The following DENND2B variants were observed in gnomAD, a reference collection of about 807,000 sequenced individuals.
DENND2B encodes the protein DENN domain containing 2B, also known as DENN domain-containing protein 2B.
Under a neutral mutation model 116.0 loss-of-function variants are expected in DENND2B, and 32 were observed. The ratio of observed to expected loss-of-function variants is 0.28; its 90% CI spans 0.21 to 0.37. The LOEUF is 0.37. Ranked by LOEUF, DENND2B falls within the 10% of genes least tolerant of loss-of-function variation. The pLI is 1.00. For synonymous variants in DENND2B, 588 were observed against 583.9 expected, an observed-to-expected ratio of 1.01 and a Z score of -0.10; for missense variants, 1,276 against 1,477.7, an observed-to-expected ratio of 0.86 and a Z score of 2.24.
intron 1 of DENND2B, among the ~76,000 whole-genome samples, chr11:8,905,513 C>T (rs2064224261): frequency 6.6e-6 from 1 of 152,006 alleles, no homozygotes; most frequent in African/African-American, 2.4e-5. Flanking sequence ...TTAGATATAA[C>T]ACCAAAAGCA....
intron 1 of DENND2B, among the ~76,000 whole-genome samples, chr11:8,765,729 A>C (rs908007186): frequency 3.9e-5 from 6 of 152,084 alleles, no homozygotes; most frequent in Non-Finnish European, 8.8e-5. Flanking sequence ...TTAGGATATA[A>C]ATACTCAATT....
intron 3 of DENND2B, among the ~76,000 whole-genome samples, chr11:8,855,913 T>C (rs979828834): frequency 1.3e-5 from 2 of 152,164 alleles, no homozygotes; most frequent in African/African-American, 2.4e-5. Context: ...ACTAGACAGC[T>C]GCCAGATCTA....
At chr11:8,819,533 T>C (rs966632127) in intron 4 of DENND2B, among the ~76,000 whole-genome samples, 5 of 152,202 alleles carry the variant, frequency 3.3e-5, no homozygotes, top group Non-Finnish European at 5.9e-5. Context: ...AATCAAGTGA[T>C]CAACGTTAAC....
At chr11:8,715,027 A>G (rs185807113) in intron 6 of DENND2B, among the ~76,000 whole-genome samples, 40 of 152,288 alleles carry the variant, frequency 2.6e-4, no homozygotes, top group African/African-American at 8.9e-4. Flanking sequence ...CATTGAACCA[A>G]CTGAGACAAA....
At position 8,702,105 on chromosome 11, in the gene DENND2B, A is replaced by AC. The variant is rs544780603; in HGVS notation, c.2720+466dup. Among the ~76,000 whole-genome samples the AC allele has an allele frequency of 1.4e-3, 212 of 151,462 alleles. 1 individual carries two copies. Among genetic ancestry groups the AC allele is most frequent in the African/African-American group, 5.0e-3 (205 of 41,202 alleles). On this transcript the variant is annotated intron_variant, in intron 14 of 19. Transcript: ENST00000313726. This position sits in a 1 kb window ranked among gnomAD's most constrained non-coding sequence, Gnocchi z 4.6. ...TTCTCCAGGGGACACCCTCCACAGG[A>AC]CCCTCGCTGGCTGGCTCAGCATTCC... is the stretch of plus-strand genomic sequence containing the variant.
At chr11:8,857,595 C>T (rs1330727102) in intron 2 of DENND2B, among the ~76,000 whole-genome samples, 1 of 152,210 alleles carries the variant, frequency 6.6e-6, no homozygotes, top group Non-Finnish European at 1.5e-5. Context: ...TTCCAATAGA[C>T]CACCTATTTC....
chr11:8,856,733 C>T (rs1306793651), intron 3 of DENND2B, among the ~76,000 whole-genome samples: 1 of 151,554 alleles, frequency 6.6e-6, no homozygotes, highest in Non-Finnish European at 1.5e-5. Context: ...TCAGTCTCTC[C>T]TCACTCTATC....
intron 1 of DENND2B, chr11:8,757,042 G>A (rs776532602): frequency 4.4e-6 from 2 of 456,114 alleles, no homozygotes; most frequent in Non-Finnish European, 8.8e-6. Flanking sequence ...ATAGAATAAG[G>A]TACCTCTGGA....
chr11:8,711,312 G>A (rs966323595), intron 9 of DENND2B, 81 bp from the exon 10 acceptor site: 4 of 1,217,194 alleles, frequency 3.3e-6, no homozygotes, highest in Non-Finnish European at 4.8e-6. Context: ...CTCCCCTGAG[G>A]GCCCTAGATG....
chr11:8,784,837 C>CAAA (rs112292066), intron 1 of DENND2B, among the ~76,000 whole-genome samples: 2 of 128,544 alleles, frequency 1.6e-5, no homozygotes, highest in Non-Finnish European at 3.5e-5. Flanking sequence ...GACTCCTTCT[C>CAAA]AAAAAAAAAA....
intron 1 of DENND2B, among the ~76,000 whole-genome samples, chr11:8,775,186 C>T (rs2057459811): frequency 6.6e-6 from 1 of 152,112 alleles, no homozygotes; most frequent in Non-Finnish European, 1.5e-5. Context: ...TGGCCCCCAT[C>T]TGGGTCTTAT....
chr11:8,737,512 G>A (rs1205262997), intron 2 of DENND2B, among the ~76,000 whole-genome samples: 2 of 152,174 alleles, frequency 1.3e-5, no homozygotes, highest in Non-Finnish European at 2.9e-5. Context: ...GGTAGGAAGG[G>A]AAGCACGACT....
intron 7 of DENND2B, 23 bp from the exon 8 acceptor site, chr11:8,714,065 C>CATA (rs2133816158): frequency 6.2e-7 from 1 of 1,610,696 alleles, no homozygotes; most frequent in East Asian, 2.2e-5. Context: ...CAGCAGAGTA[C>CATA]ATACTTGCTG....
At chr11:8,905,774 C>A (rs2134768239) in intron 1 of DENND2B, among the ~76,000 whole-genome samples, 1 of 151,912 alleles carries the variant, frequency 6.6e-6, no homozygotes, top group South Asian at 2.1e-4. Context: ...TTTCAGATGA[C>A]CATCAACCAG....
Position 8,900,688 on chromosome 11 carries a change from C to T in DENND2B, c.-256+10133G>A, listed in dbSNP as rs549489871. On this transcript the variant is annotated intron_variant, in intron 1 of 22. Coordinates refer to the DENND2B transcript ENST00000534127. Reference sequence around the variant, plus strand: ...ATCACTAAAAAATTTTTTTAAAGGCCGGGTGCGGTGGCTCATGCCTGTAAT... The same window carrying T: ...ATCACTAAAAAATTTTTTTAAAGGCTGGGTGCGGTGGCTCATGCCTGTAAT... 9.2e-5 allele frequency among the ~76,000 whole-genome samples: 14 copies of T among 151,588 alleles called. No homozygotes were observed. In the South Asian group the frequency reaches 2.9e-3, roughly 32 times the overall value.
intron 3 of DENND2B, among the ~76,000 whole-genome samples, chr11:8,839,887 G>C (rs567676260): frequency 6.6e-6 from 1 of 152,284 alleles, no homozygotes; most frequent in East Asian, 1.9e-4. Context: ...AGGACTAAGA[G>C]AACCCAGGGG....
intron 1 of DENND2B, among the ~76,000 whole-genome samples, chr11:8,794,410 G>C (rs1337066170): frequency 1.3e-5 from 2 of 152,160 alleles, no homozygotes; most frequent in African/African-American, 4.8e-5. Context: ...TCCACCCCGG[G>C]GACAGCACTG....
rs1045443361 is a variant in DENND2B at position 8,702,610 on chromosome 11, C to G, written c.2682G>C (p.Leu894=). The G allele has an allele frequency of 6.2e-7, 1 of 1,613,760 alleles. No individual in the cohort carries two copies. Among genetic ancestry groups the G allele is most frequent in the Non-Finnish European group, 8.5e-7 (1 of 1,180,048 alleles). ...CCACAAAAATGACCCGGCGCTCCAGCAGCAGTGAGGCAAAGATTCGGATGA... is the reference window on the plus strand; with the variant it reads ...CCACAAAAATGACCCGGCGCTCCAGGAGCAGTGAGGCAAAGATTCGGATGA... ...RQLIRIFASL[L]LERRVIFVAD... is the part of the protein sequence containing the mutation. Residue 894 remains leucine, a synonymous_variant, in exon 14 of 20, where the codon CTG becomes CTC. Transcript: ENST00000313726. The surrounding 1 kb of genome is among the most constrained non-coding windows in gnomAD (Gnocchi z 4.6).
intron 3 of DENND2B, among the ~76,000 whole-genome samples, chr11:8,850,838 T>C (rs1174514151): frequency 6.6e-6 from 1 of 152,056 alleles, no homozygotes; most frequent in Non-Finnish European, 1.5e-5. Flanking sequence ...TGGAATACTA[T>C]TCAGCTATAA....
Sources: gnomAD v4.1 joint callset for allele counts (sites outside exome capture counted in the v4.1 genomes callset) on GRCh38, gnomAD v4.1.1 for gene constraint, Gnocchi (gnomAD v3.1) non-coding constraint, MANE v1.5 for transcripts, NCBI Gene and HGNC (gene_info 2026-07-23, HGNC 2026-07-21) for gene names.